Variants in ASTN2 observed in about 807,000 individuals in gnomAD.
ASTN2 encodes the protein astrotactin-2.
Under a neutral mutation model 139.8 loss-of-function variants are expected in ASTN2, and 54 were observed. The observed-to-expected ratio is 0.39, with a 90% CI of 0.31 to 0.48. ASTN2 has a LOEUF of 0.48. ASTN2 is among the 20% of genes least tolerant of loss of function. The probability of loss-of-function intolerance (pLI) is 0.95; values close to 1 mark genes in which losing one functional copy is unlikely to be tolerated. For synonymous variants in ASTN2, 756 were observed against 719.5 expected (o/e 1.05, Z -0.81); for missense variants, 1,565 against 1,725.1 (o/e 0.91, Z 1.64).
intron 10 of ASTN2, among the ~76,000 whole-genome samples, chr9:116,885,418 C>T (rs1271434113): frequency 6.6e-6 from 1 of 152,198 alleles, no homozygotes; most frequent in East Asian, 1.9e-4. Context: ...ATAATCCCAG[C>T]ACTTTGGGAA....
intron 4 of ASTN2, among the ~76,000 whole-genome samples, chr9:117,130,821 A>G (rs1368829365): frequency 6.6e-6 from 1 of 152,230 alleles, no homozygotes; most frequent in African/African-American, 2.4e-5. Flanking sequence ...AGCCCAATAT[A>G]TAAACATAGA....
At chr9:116,508,187 C>T (rs1409833904) in intron 19 of ASTN2, among the ~76,000 whole-genome samples, 4 of 152,102 alleles carry the variant, frequency 2.6e-5, no homozygotes, top group Non-Finnish European at 4.4e-5. Context: ...CACCACGCCC[C>T]GTAACAACTT....
At chr9:117,235,818 C>T (rs933065994) in intron 2 of ASTN2, among the ~76,000 whole-genome samples, 2 of 152,110 alleles carry the variant, frequency 1.3e-5, no homozygotes, top group Admixed American at 6.6e-5. Context: ...TTAAATTCTA[C>T]GTCCAAGGTG....
At chr9:116,776,434 C>T (rs1830090497) in intron 13 of ASTN2, among the ~76,000 whole-genome samples, 1 of 152,142 alleles carries the variant, frequency 6.6e-6, no homozygotes, top group African/African-American at 2.4e-5. Flanking sequence ...GGTTACCTGC[C>T]TGCAGGTCAC....
intron 16 of ASTN2, among the ~76,000 whole-genome samples, chr9:116,721,969 C>A (rs1427414881): frequency 6.6e-6 from 1 of 152,152 alleles, no homozygotes; most frequent in Non-Finnish European, 1.5e-5. Context: ...ACCAACTGAT[C>A]ATCTCAATGA....
intron 2 of ASTN2, among the ~76,000 whole-genome samples, chr9:117,289,889 T>C (rs1834544315): frequency 6.6e-6 from 1 of 152,208 alleles, no homozygotes; most frequent in Non-Finnish European, 1.5e-5. Context: ...AGGTCCAAAA[T>C]TAACATTGCT....
At chr9:116,972,098 A>T (rs1836224359) in intron 10 of ASTN2, among the ~76,000 whole-genome samples, 1 of 152,234 alleles carries the variant, frequency 6.6e-6, no homozygotes. Flanking sequence ...CATTATCAGC[A>T]TCACATAAGC....
At chr9:116,553,191 C>A (rs562627655) in intron 19 of ASTN2, among the ~76,000 whole-genome samples, 2 of 152,012 alleles carry the variant, frequency 1.3e-5, no homozygotes, top group African/African-American at 4.8e-5. Flanking sequence ...GACCTGCAGA[C>A]GTGCCAGGGA....
chr9:116,922,903 A>G (rs188490228), intron 10 of ASTN2, among the ~76,000 whole-genome samples: 12 of 152,324 alleles, frequency 7.9e-5, no homozygotes, highest in Non-Finnish European at 1.8e-4. Flanking sequence ...TACTTCTTAA[A>G]AAATGGTGGC....
In ASTN2 at chr9:116,577,313, G is replaced by A. The variant is rs111931424; in HGVS notation, c.3355+41011C>T. 6.3e-3 allele frequency among the ~76,000 whole-genome samples: 962 copies of A among 152,278 alleles called. 5 individuals are homozygous for A. The highest frequency in any genetic ancestry group is 0.011 in the Non-Finnish European group (722 of 68,016). On this transcript the variant is annotated intron_variant, in intron 19 of 22. Coordinates refer to ENST00000313400, the MANE Select transcript of ASTN2 (RefSeq NM_001365068.1). The stretch of plus-strand genomic sequence containing the variant: ...GGTAGTCAAGGTGACTGAATTGCTT[G>A]AGCTCAAGAGTTGCAGACCAGCCTG...
intron 19 of ASTN2, among the ~76,000 whole-genome samples, chr9:116,504,907 A>AAAAC (rs2119156703): frequency 6.6e-6 from 1 of 150,918 alleles, no homozygotes; most frequent in African/African-American, 2.4e-5. Flanking sequence ...AAAAAAAAAA[A>AAAAC]AAAAAAACCC....
chr9:117,319,593 A>ATT (rs3041177), intron 1 of ASTN2, among the ~76,000 whole-genome samples: 43 of 143,414 alleles, frequency 3.0e-4, no homozygotes, highest in African/African-American at 1.0e-3. Flanking sequence ...ATGCCCAGCA[A>ATT]TTTTTTTTTT....
At chr9:117,029,639 A>G (rs1010738599) in intron 6 of ASTN2, among the ~76,000 whole-genome samples, 1 of 152,060 alleles carries the variant, frequency 6.6e-6, no homozygotes, top group African/African-American at 2.4e-5. Context: ...AGCATGCCAC[A>G]GAGAGTATGG....
intron 19 of ASTN2, chr9:116,585,356 T>A (rs1176865302): frequency 6.6e-6 from 1 of 152,218 alleles, no homozygotes; most frequent in Non-Finnish European, 1.5e-5. Flanking sequence ...GTGCCTGTCA[T>A]ACAGATGTGT....
intron 19 of ASTN2, among the ~76,000 whole-genome samples, chr9:116,592,773 CA>C (rs1371336187): frequency 6.6e-6 from 1 of 152,140 alleles, no homozygotes; most frequent in African/African-American, 2.4e-5. Flanking sequence ...CTTCACTTCA[CA>C]GATACAGAAA....
chr9:117,226,894 G>A (rs559477157), intron 2 of ASTN2, among the ~76,000 whole-genome samples: 10 of 152,302 alleles, frequency 6.6e-5, no homozygotes, highest in African/African-American at 2.4e-4. Flanking sequence ...CAGGGCTGAT[G>A]TGAGATCCCT....
chr9:116,509,212 A>G (rs949007517), intron 19 of ASTN2, among the ~76,000 whole-genome samples: 1 of 151,964 alleles, frequency 6.6e-6, no homozygotes, highest in African/African-American at 2.4e-5. Flanking sequence ...CCTGTGCCCA[A>G]GTGTTCTCAT....
rs1365719459 is a variant in ASTN2 at position 117,008,264 on chromosome 9, G to A, written c.1424-5C>T. 2.6e-5 allele frequency: 41 copies of A among 1,589,512 alleles called. No individual in the cohort carries two copies. Among genetic ancestry groups the A allele is most frequent in the Non-Finnish European group, 3.3e-5 (39 of 1,167,792 alleles). On this transcript the variant is annotated splice_region_variant and splice_polypyrimidine_tract_variant and intron_variant, in intron 6 of 22. Coordinates refer to ENST00000313400, the MANE Select transcript of ASTN2 (RefSeq NM_001365068.1). ...CACTCACCACGAAGCTGCTTCCTAT[G>A]GGTGAACGGAGAGACAGATACTTTC...
At chr9:117,404,070 CTG>C (rs1256496693) in intron 1 of ASTN2, among the ~76,000 whole-genome samples, 3 of 152,226 alleles carry the variant, frequency 2.0e-5, no homozygotes, top group Non-Finnish European at 2.9e-5. Context: ...AGAGCCCAAG[CTG>C]TGTGCCAGAT....
Sources: gnomAD v4.1 joint callset for allele counts (sites outside exome capture counted in the v4.1 genomes callset) on GRCh38, gnomAD v4.1.1 for gene constraint, MANE v1.5 for transcripts, NCBI Gene and HGNC (gene_info 2026-07-23, HGNC 2026-07-21) for gene names.